Variants in SLC1A3 observed in about 807,000 individuals in gnomAD.
The protein encoded by SLC1A3 is excitatory amino acid transporter 1.
A neutral mutation model predicts 48.1 loss-of-function variants in SLC1A3; 21 were observed. That is an observed-to-expected ratio of 0.44 (90% CI 0.31 to 0.63). The LOEUF is 0.63. SLC1A3 is among the 20% of genes least tolerant of loss of function. SLC1A3 has a pLI of 0.08. For missense variants in SLC1A3, 546 were observed against 689.0 expected (o/e 0.79, Z 2.32); for synonymous variants, 239 against 251.4 (o/e 0.95, Z 0.47).
At chr5:36,615,317 T>C (rs1044063054) in intron 2 of SLC1A3, among the ~76,000 whole-genome samples, 2 of 152,262 alleles carry the variant, frequency 1.3e-5, no homozygotes, top group African/African-American at 4.8e-5. Flanking sequence ...ATTTTAAGTC[T>C]AGTTTATCTT....
At chr5:36,613,258 T>C (rs1739281978) in intron 2 of SLC1A3, 1 of 187,082 alleles carries the variant, frequency 5.3e-6, no homozygotes, top group South Asian at 1.1e-4. Context: ...TGAATAAGGA[T>C]CAGTGAATCG....
Position 36,686,558 on chromosome 5 carries a change from A to G in SLC1A3, c.*289A>G, listed in dbSNP as rs563500858. ...CAGATCTTACAAGTTTATGTGGCAC[A>G]CAATCCTATAAATGTGATTTTTTTA... is the stretch of plus-strand genomic sequence containing the variant. On this transcript the variant is annotated 3_prime_UTR_variant, in exon 10 of 10. Coordinates refer to ENST00000265113, the MANE Select transcript of SLC1A3 (RefSeq NM_004172.5). 1 of 426,172 alleles carries G rather than the reference A, an allele frequency of 2.3e-6. No homozygotes were observed. Among genetic ancestry groups the G allele is most frequent in the African/African-American group, 2.0e-5 (1 of 50,406 alleles). 26.4% of individuals were successfully genotyped at this position (426,172 alleles called of 1,614,324 possible). A position where few individuals can be genotyped will look rare whatever the true frequency, so the allele number is the denominator to read the frequency against.
intron 2 of SLC1A3, among the ~76,000 whole-genome samples, chr5:36,619,198 G>A (rs1395864303): frequency 6.6e-6 from 1 of 152,212 alleles, no homozygotes; most frequent in Non-Finnish European, 1.5e-5. Context: ...GGAAACAGAG[G>A]AGTGGGGGAG....
intron 3 of SLC1A3, among the ~76,000 whole-genome samples, chr5:36,647,642 C>T (rs1185393021): frequency 6.6e-6 from 1 of 152,274 alleles, no homozygotes; most frequent in Admixed American, 6.5e-5. Context: ...AACCGAAGAG[C>T]ACTTATAAAC....
At chr5:36,621,820 G>A (rs1278199931) in intron 2 of SLC1A3, among the ~76,000 whole-genome samples, 1 of 152,182 alleles carries the variant, frequency 6.6e-6, no homozygotes, top group Non-Finnish European at 1.5e-5. Context: ...TCTAACTGCC[G>A]TGTATAGCTC....
At chr5:36,651,361 ACC>A (rs1741063260) in intron 3 of SLC1A3, among the ~76,000 whole-genome samples, 1 of 151,806 alleles carries the variant, frequency 6.6e-6, no homozygotes, top group South Asian at 2.1e-4. Context: ...CCATCCGCCT[ACC>A]CCACAATCCA....
chr5:36,640,117 G>A (rs537685582), intron 3 of SLC1A3, among the ~76,000 whole-genome samples: 18 of 152,294 alleles, frequency 1.2e-4, no homozygotes, highest in African/African-American at 4.1e-4. Flanking sequence ...GGACAGTTCT[G>A]TTTTTTCCCT....
chr5:36,597,117 T>C (rs1738750154), intron 1 of SLC1A3, among the ~76,000 whole-genome samples: 1 of 152,096 alleles, frequency 6.6e-6, no homozygotes. Context: ...TTTGCTGTGG[T>C]TGGTGTTACT....
chr5:36,634,744 G>T (rs752054145), intron 3 of SLC1A3, among the ~76,000 whole-genome samples: 2 of 152,076 alleles, frequency 1.3e-5, no homozygotes, highest in Non-Finnish European at 2.9e-5. Flanking sequence ...TATTATTTGG[G>T]CAGCTTCTTT....
intron 3 of SLC1A3, among the ~76,000 whole-genome samples, chr5:36,631,235 C>T (rs1223266864): frequency 6.6e-6 from 1 of 152,150 alleles, no homozygotes; most frequent in Non-Finnish European, 1.5e-5. Context: ...CTTAACTGTG[C>T]TGAAAATCCA....
Position 36,680,415 on chromosome 5 carries a change from C to G in SLC1A3, c.1115C>G (p.Thr372Ser). The change falls in exon 8 of 10, where the codon ACC becomes AGC. Residue 372 changes from threonine (T) to serine (S), a missense_variant. By Grantham distance (58) the Thr-to-Ser change is moderately conservative. This residue lies in a region of SLC1A3 where 142 missense variants were observed against 238.0 expected (regional missense o/e 0.60). Transcript: ENST00000265113. The stretch of plus-strand genomic sequence containing the variant: ...CTCAGTTCTGCCACCCTACCCATCA[C>G]CTTCAAGTGCCTGGAAGAGAACAAT... ...TSSSSATLPI[T>S]FKCLEENNGV... 1 of 1,614,168 alleles carries G rather than the reference C, an allele frequency of 6.2e-7. No individual in the cohort carries two copies.
At chr5:36,682,518 TAA>T (rs540185646) in intron 8 of SLC1A3, among the ~76,000 whole-genome samples, 1 of 147,088 alleles carries the variant, frequency 6.8e-6, no homozygotes. Flanking sequence ...TCTGGGTTAT[TAA>T]AAAAAAAAGG....
intron 3 of SLC1A3, among the ~76,000 whole-genome samples, chr5:36,670,559 G>A (rs962378721): frequency 6.6e-6 from 1 of 152,084 alleles, no homozygotes; most frequent in Non-Finnish European, 1.5e-5. Context: ...AGAATTTAAT[G>A]GCAGTTAATC....
Position 36,679,812 on chromosome 5 carries a change from T to C in SLC1A3, c.1046T>C (p.Ile349Thr), listed in dbSNP as rs760669339. 40 of 1,614,066 alleles carry C rather than the reference T, an allele frequency of 2.5e-5. No individual in the cohort carries two copies. Among genetic ancestry groups the C allele is most frequent in the Non-Finnish European group, 3.3e-5 (39 of 1,180,020 alleles). ...LVTRKNPWVFIGGLLQALITA... is the reference protein window; with the variant it reads ...LVTRKNPWVFTGGLLQALITA... ...ACACGGAAAAACCCTTGGGTTTTTA[T>C]TGGAGGGTTGCTGCAAGCACTCATC... is the stretch of plus-strand genomic sequence containing the variant. The change falls in exon 7 of 10, where the codon ATT (isoleucine) becomes ACT (threonine). Residue 349 changes from isoleucine to threonine, a missense_variant. Coordinates refer to ENST00000265113, the MANE Select transcript of SLC1A3 (RefSeq NM_004172.5).
At chr5:36,641,140 A>G (rs1167920240) in intron 3 of SLC1A3, among the ~76,000 whole-genome samples, 1 of 152,198 alleles carries the variant, frequency 6.6e-6, no homozygotes, top group Non-Finnish European at 1.5e-5. Context: ...AGCATGATAC[A>G]TCTTTAGTAT....
At chr5:36,601,098 T>A (rs975245343) in intron 1 of SLC1A3, among the ~76,000 whole-genome samples, 1 of 152,270 alleles carries the variant, frequency 6.6e-6, no homozygotes, top group Admixed American at 6.5e-5. Context: ...GTTTCTGTGA[T>A]GGCAACTTTG....
At chr5:36,675,555 G>A (rs1166387398) in intron 5 of SLC1A3, among the ~76,000 whole-genome samples, 1 of 152,216 alleles carries the variant, frequency 6.6e-6, no homozygotes, top group Non-Finnish European at 1.5e-5. Flanking sequence ...TGCAAACAAG[G>A]TTGCAGTTTC....
At chr5:36,608,115 A>G (rs368301121) in intron 1 of SLC1A3, 3 of 298,510 alleles carry the variant, frequency 1.0e-5, no homozygotes, top group East Asian at 1.3e-4. Flanking sequence ...GGATTTTTAA[A>G]AAGAAAATAG....
intron 3 of SLC1A3, among the ~76,000 whole-genome samples, chr5:36,661,512 G>A (rs1741513608): frequency 6.6e-6 from 1 of 152,164 alleles, no homozygotes; most frequent in African/African-American, 2.4e-5. Flanking sequence ...CTTAATTTCA[G>A]TTTCAAGCAA....
Sources: allele counts gnomAD v4.1 joint callset (sites outside exome capture counted in the v4.1 genomes callset), GRCh38; gene constraint gnomAD v4.1.1; regional missense constraint gnomAD v4.1.1; transcripts MANE v1.5; gene names NCBI Gene and HGNC (gene_info 2026-07-23, HGNC 2026-07-21).